The following ANKS1B variants were observed in gnomAD, a reference collection of about 807,000 sequenced individuals.
ANKS1B encodes ankyrin repeat and sterile alpha motif domain containing 1B, also known as ankyrin repeat and sterile alpha motif domain-containing protein 1B.
Under a neutral mutation model 148.3 loss-of-function variants are expected in ANKS1B, and 36 were observed. The observed-to-expected ratio is 0.24, with a 90% CI of 0.19 to 0.32. ANKS1B has a LOEUF of 0.32. Among genes scored for constraint, ANKS1B ranks in the 10% least tolerant of loss-of-function variants. The pLI is 1.00. For synonymous variants in ANKS1B, 542 were observed against 560.8 expected, an observed-to-expected ratio of 0.97 and a Z score of 0.47; for missense variants, 1,157 against 1,542.6, an observed-to-expected ratio of 0.75 and a Z score of 4.19.
intron 9 of ANKS1B, among the ~76,000 whole-genome samples, chr12:99,561,636 C>T (rs950642540): frequency 6.6e-6 from 1 of 151,832 alleles, no homozygotes; most frequent in Non-Finnish European, 1.5e-5. Flanking sequence ...CCACGAGAAA[C>T]AATTCCTCAT....
At chr12:98,995,794 G>C (rs1051649205) in intron 17 of ANKS1B, among the ~76,000 whole-genome samples, 2 of 152,162 alleles carry the variant, frequency 1.3e-5, no homozygotes, top group African/African-American at 4.8e-5. Context: ...TGATGCTCAG[G>C]AAGGTGATAC....
chr12:98,929,071 C>G (rs2152952903), intron 17 of ANKS1B, among the ~76,000 whole-genome samples: 1 of 151,060 alleles, frequency 6.6e-6, no homozygotes, highest in South Asian at 2.1e-4. Context: ...CACACACACA[C>G]AAGTTCAGCG....
At chr12:98,930,708 G>A (rs2099812927) in intron 17 of ANKS1B, among the ~76,000 whole-genome samples, 1 of 151,412 alleles carries the variant, frequency 6.6e-6, no homozygotes, top group Admixed American at 6.6e-5. Flanking sequence ...CTGTTTATAT[G>A]AAATGTCCAG....
At chr12:99,060,430 G>C (rs1045324927) in intron 16 of ANKS1B, among the ~76,000 whole-genome samples, 1 of 151,970 alleles carries the variant, frequency 6.6e-6, no homozygotes, top group Non-Finnish European at 1.5e-5. Context: ...ACTTCAACCA[G>C]AGTAACTCTT....
chr12:99,421,463 C>G (rs1208560060), intron 11 of ANKS1B, among the ~76,000 whole-genome samples: 1 of 152,102 alleles, frequency 6.6e-6, no homozygotes, highest in Non-Finnish European at 1.5e-5. Context: ...GGTAGAACCT[C>G]TCTAAATAGC....
chr12:99,206,057 T>C (rs1035222855), intron 14 of ANKS1B, among the ~76,000 whole-genome samples: 1 of 152,126 alleles, frequency 6.6e-6, no homozygotes, highest in Non-Finnish European at 1.5e-5. Flanking sequence ...CACCAAAAGA[T>C]AAGACTACCA....
At chr12:98,969,242 AC>A (rs2153194911) in intron 17 of ANKS1B, among the ~76,000 whole-genome samples, 1 of 152,298 alleles carries the variant, frequency 6.6e-6, no homozygotes, top group South Asian at 2.1e-4. Context: ...GACAGAAACC[AC>A]CCAAATGAAC....
At chr12:98,766,033 T>C (rs1566202152) in intron 25 of ANKS1B, among the ~76,000 whole-genome samples, 1 of 152,182 alleles carries the variant, frequency 6.6e-6, no homozygotes, top group South Asian at 2.1e-4. Flanking sequence ...AATACATGCA[T>C]AAATGCTGCA....
chr12:99,073,103 T>C (rs1490148195), intron 16 of ANKS1B, among the ~76,000 whole-genome samples: 2 of 152,218 alleles, frequency 1.3e-5, no homozygotes, highest in African/African-American at 2.4e-5. Flanking sequence ...ATAGCACATA[T>C]GCTTTGGAAA....
intron 14 of ANKS1B, among the ~76,000 whole-genome samples, chr12:99,164,633 A>C (rs117745753): frequency 6.6e-6 from 1 of 152,160 alleles, no homozygotes; most frequent in East Asian, 1.9e-4. Flanking sequence ...TATATCCTTC[A>C]TACTCCAGTA....
intron 15 of ANKS1B, among the ~76,000 whole-genome samples, chr12:99,121,862 G>A (rs995035747): frequency 1.3e-5 from 2 of 151,204 alleles, no homozygotes; most frequent in African/African-American, 2.5e-5. Context: ...GAAAGTCACT[G>A]CTGAGCTGAT....
intron 14 of ANKS1B, 51 bp downstream of exon 14, chr12:99,244,291 C>G: frequency 7.9e-7 from 1 of 1,266,726 alleles, no homozygotes; most frequent in South Asian, 1.3e-5. Flanking sequence ...CATTTTCTCA[C>G]TACTCCTTAA....
intron 23 of ANKS1B, 97 bp downstream of exon 23, chr12:98,782,029 A>T: frequency 9.6e-7 from 1 of 1,046,618 alleles, no homozygotes; most frequent in Non-Finnish European, 1.4e-6. Context: ...TTTCCTGTTT[A>T]GCTTTATCAT....
intron 8 of ANKS1B, among the ~76,000 whole-genome samples, chr12:99,730,100 T>C (rs2058990122): frequency 6.6e-6 from 1 of 152,236 alleles, no homozygotes; most frequent in South Asian, 2.1e-4. Context: ...TGTTAAGCTA[T>C]ACTAAGTGCC....
chr12:99,954,869 G>C (rs2095291376), intron 1 of ANKS1B, among the ~76,000 whole-genome samples: 1 of 152,130 alleles, frequency 6.6e-6, no homozygotes. Flanking sequence ...ATGCTCAAAA[G>C]CTACCTCATT....
rs1449259205 is a variant in ANKS1B, at chr12:99,782,074, A to G, written c.693T>C (p.His231=). The change falls in exon 5 of 27, where the codon CAT becomes CAC. Residue 231 remains histidine (H), a synonymous_variant. Transcript: ENST00000683438. ...SCQTEKGSAL[H]EAALFGKVDV... ...CCACCTTTCCAAACAAAGCTGCTTCATGAAGTGCACTCCCCTTTTCTGTCT... is the reference window on the plus strand; with the variant it reads ...CCACCTTTCCAAACAAAGCTGCTTCGTGAAGTGCACTCCCCTTTTCTGTCT... 3.1e-6 allele frequency: 5 copies of G among 1,605,012 alleles called. No individual in the cohort carries two copies. In the Admixed American group the frequency reaches 5.1e-5, roughly 16 times the overall value.
At chr12:99,967,444 G>A (rs56867513) in intron 1 of ANKS1B, among the ~76,000 whole-genome samples, 27,073 of 151,788 alleles carry the variant, frequency 0.18, 2,630 homozygotes, top group Middle Eastern at 0.24. Context: ...TTAGAGATTG[G>A]GTCTTGCTCT....
chr12:99,189,456 C>T (rs1361070998), intron 14 of ANKS1B, among the ~76,000 whole-genome samples: 1 of 152,184 alleles, frequency 6.6e-6, no homozygotes, highest in Admixed American at 6.5e-5. Flanking sequence ...AAAACACTGG[C>T]AAACCGAATC....
At chr12:99,630,847 T>A (rs1283273534) in intron 9 of ANKS1B, among the ~76,000 whole-genome samples, 1 of 152,158 alleles carries the variant, frequency 6.6e-6, no homozygotes, top group Non-Finnish European at 1.5e-5. Context: ...TTGATATGTT[T>A]GGCTGTCTCT....
Sources: gnomAD v4.1 joint callset for allele counts (sites outside exome capture counted in the v4.1 genomes callset) on GRCh38, gnomAD v4.1.1 for gene constraint, MANE v1.5 for transcripts, NCBI Gene and HGNC (gene_info 2026-07-23, HGNC 2026-07-21) for gene names.